DLGAP2: variants seen among roughly 807,000 people sequenced by gnomAD.
DLGAP2 encodes the protein DLG associated protein 2, also known as disks large-associated protein 2.
A neutral mutation model predicts 100.3 loss-of-function variants in DLGAP2; 26 were observed. The observed-to-expected ratio is 0.26, with a 90% CI of 0.19 to 0.36. DLGAP2 has a LOEUF of 0.36. Ranked by LOEUF, DLGAP2 falls within the 10% of genes least tolerant of loss-of-function variation. The pLI, the probability that DLGAP2 is intolerant of heterozygous loss-of-function variation, is 1.00. For synonymous variants in DLGAP2, 886 were observed against 630.1 expected (o/e 1.41, Z -6.08); for missense variants, 1,858 against 1,453.2 (o/e 1.28, Z -4.53).
intron 1 of DLGAP2, among the ~76,000 whole-genome samples, chr8:758,029 C>G (rs1167716378): frequency 6.6e-6 from 1 of 152,146 alleles, no homozygotes; most frequent in Non-Finnish European, 1.5e-5. Context: ...TGTCCCTGCC[C>G]TGTTATTTTA....
At chr8:1,454,938 A>T (rs1396059768) in intron 3 of DLGAP2, among the ~76,000 whole-genome samples, 1 of 152,046 alleles carries the variant, frequency 6.6e-6, no homozygotes, top group Non-Finnish European at 1.5e-5. Context: ...GCCACCTCTG[A>T]GCTTCCCCGC....
At chr8:1,576,880 A>G (rs978569861) in intron 6 of DLGAP2, among the ~76,000 whole-genome samples, 2 of 152,206 alleles carry the variant, frequency 1.3e-5, no homozygotes, top group Non-Finnish European at 2.9e-5. Flanking sequence ...ATCCCCATCA[A>G]GCTACCAATG....
intron 2 of DLGAP2, among the ~76,000 whole-genome samples, chr8:1,168,710 C>T (rs1347659082): frequency 8.3e-5 from 12 of 144,416 alleles, no homozygotes; most frequent in Admixed American, 4.2e-4. Context: ...TGTCCTTTGC[C>T]CACTTTTTGA....
At chr8:1,590,391 T>G (rs1796255844) in intron 6 of DLGAP2, among the ~76,000 whole-genome samples, 1 of 152,198 alleles carries the variant, frequency 6.6e-6, no homozygotes, top group Non-Finnish European at 1.5e-5. Flanking sequence ...TTTCTGAAAC[T>G]TATTTCCATC....
intron 3 of DLGAP2, among the ~76,000 whole-genome samples, chr8:1,327,133 C>G (rs552005798): frequency 6.6e-6 from 1 of 152,374 alleles, no homozygotes; most frequent in South Asian, 2.1e-4. Flanking sequence ...TTCCATCCTC[C>G]TGACACTGAG....
rs568832984 is a variant in DLGAP2 at position 1,707,248 on chromosome 8, T to C, written c.*5842T>C. 8 of 152,640 alleles carry C rather than the reference T, an allele frequency of 5.2e-5. No individual in the cohort carries two copies. The highest frequency in any genetic ancestry group is 2.1e-4 in the South Asian group (1 of 4,830). 9.5% of individuals were successfully genotyped at this position (152,640 alleles called of 1,614,324 possible). Reference sequence around the variant, plus strand: ...GGAGAGGTGATAATGAATGAAAAGATTGACACCAGGTTTCTTGGACAAATT... The same window carrying C: ...GGAGAGGTGATAATGAATGAAAAGACTGACACCAGGTTTCTTGGACAAATT... On this transcript the variant is annotated 3_prime_UTR_variant, in exon 15 of 15. Transcript: ENST00000637795.
intron 2 of DLGAP2, among the ~76,000 whole-genome samples, chr8:928,131 C>T (rs909289358): frequency 6.6e-6 from 1 of 152,152 alleles, no homozygotes; most frequent in African/African-American, 2.4e-5. Context: ...AAGCCACCTC[C>T]TAGGAGAATT....
intron 1 of DLGAP2, among the ~76,000 whole-genome samples, chr8:816,418 T>A (rs1796482396): frequency 6.6e-6 from 1 of 152,138 alleles, no homozygotes; most frequent in African/African-American, 2.4e-5. Flanking sequence ...GCTGGCTTGG[T>A]AGTGGGGAAT....
At chr8:990,111 G>T (rs1238965859) in intron 2 of DLGAP2, among the ~76,000 whole-genome samples, 1 of 152,046 alleles carries the variant, frequency 6.6e-6, no homozygotes, top group South Asian at 2.1e-4. Context: ...CTTCAGTGCT[G>T]TGTTACCTCC....
chr8:1,459,624 A>G (rs185557064), intron 3 of DLGAP2, among the ~76,000 whole-genome samples: 33 of 151,382 alleles, frequency 2.2e-4, no homozygotes, highest in Non-Finnish European at 4.4e-4. Context: ...GGCCTAGAGC[A>G]CTCACAGAGC....
At chr8:1,439,818 G>C (rs1797776370) in intron 3 of DLGAP2, among the ~76,000 whole-genome samples, 1 of 152,150 alleles carries the variant, frequency 6.6e-6, no homozygotes, top group Non-Finnish European at 1.5e-5. Context: ...TGGCATTTGA[G>C]GGCAGAGATG....
intron 2 of DLGAP2, among the ~76,000 whole-genome samples, chr8:1,024,012 C>T (rs1335243524): frequency 6.6e-6 from 1 of 151,824 alleles, no homozygotes; most frequent in Admixed American, 6.6e-5. Context: ...TCTCAGGGCC[C>T]CTGTCTTCCT....
intron 2 of DLGAP2, among the ~76,000 whole-genome samples, chr8:1,162,989 A>T (rs913768525): frequency 6.6e-6 from 1 of 152,222 alleles, no homozygotes; most frequent in African/African-American, 2.4e-5. Context: ...TGAGGCCCTC[A>T]AGGAATCCCA....
intron 1 of DLGAP2, among the ~76,000 whole-genome samples, chr8:828,850 C>G (rs573611716): frequency 6.6e-6 from 1 of 152,208 alleles, no homozygotes; most frequent in Non-Finnish European, 1.5e-5. Flanking sequence ...CAGCCGGTCC[C>G]TCCGTTTGGG....
At chr8:999,976 A>C (rs1255365262) in intron 2 of DLGAP2, among the ~76,000 whole-genome samples, 1 of 125,290 alleles carries the variant, frequency 8.0e-6, no homozygotes, top group African/African-American at 3.1e-5. Flanking sequence ...ATCCGGGTGG[A>C]GGTGGTTTTC....
chr8:1,444,646 C>T (rs892672241), intron 3 of DLGAP2, among the ~76,000 whole-genome samples: 2 of 152,096 alleles, frequency 1.3e-5, no homozygotes, highest in African/African-American at 4.8e-5. Context: ...CTTCTTTCCC[C>T]ATTTCCAGGT....
Position 1,094,917 on chromosome 8 carries a change from T to G in DLGAP2, c.74-163934T>G, listed in dbSNP as rs193035168. 2.2e-3 allele frequency among the ~76,000 whole-genome samples: 334 copies of G among 152,274 alleles called. 1 individual carries two copies. Among genetic ancestry groups the G allele is most frequent in the Non-Finnish European group, 2.0e-3 (134 of 68,016 alleles). On this transcript the variant is annotated intron_variant, in intron 2 of 14. Transcript: ENST00000637795. Reference sequence around the variant, plus strand: ...TTTTGGTCGTTGTTTTCCTGAGGGTTTAGTTTAAGTGGACACAGGGAGAAA... The same window carrying G: ...TTTTGGTCGTTGTTTTCCTGAGGGTGTAGTTTAAGTGGACACAGGGAGAAA...
intron 1 of DLGAP2, among the ~76,000 whole-genome samples, chr8:744,994 C>A (rs1385969019): frequency 6.6e-6 from 1 of 152,188 alleles, no homozygotes; most frequent in Non-Finnish European, 1.5e-5. Flanking sequence ...CAGGCCATCC[C>A]CACACCTGCC....
chr8:1,508,931 T>C lies in DLGAP2; in HGVS notation c.172+7500T>C, dbSNP rs142862238. 2.5e-3 allele frequency among the ~76,000 whole-genome samples: 375 copies of C among 152,210 alleles called. 1 individual carries two copies. The highest frequency in any genetic ancestry group is 8.4e-3 in the African/African-American group (349 of 41,532). The stretch of plus-strand genomic sequence containing the variant: ...AATGGTTTTCTGTTCTGCAGTTCTT[T>C]AGAGCACTGAGTTTTAAACCATGGG... On this transcript the variant is annotated intron_variant, in intron 4 of 14. Coordinates refer to ENST00000637795, the MANE Select transcript of DLGAP2 (RefSeq NM_001346810.2).
Sources: gnomAD v4.1 joint callset for allele counts (sites outside exome capture counted in the v4.1 genomes callset) on GRCh38, gnomAD v4.1.1 for gene constraint, MANE v1.5 for transcripts, NCBI Gene and HGNC (gene_info 2026-07-23, HGNC 2026-07-21) for gene names.